NAALADL2: variants seen among roughly 807,000 people sequenced by gnomAD.
NAALADL2 encodes N-acetylated alpha-linked acidic dipeptidase like 2.
A neutral mutation model predicts 87.2 loss-of-function variants in NAALADL2; 76 were observed. The observed-to-expected ratio is 0.87, with a 90% confidence interval of 0.72 to 1.05. The LOEUF is 1.05. NAALADL2 is among the 50% of genes least tolerant of loss of function. The pLI, the probability that NAALADL2 is intolerant of heterozygous loss-of-function variation, is 0.00. For missense variants in NAALADL2, 1,089 were observed against 945.8 expected (o/e 1.15, Z -1.99); for synonymous variants, 354 against 331.0 (o/e 1.07, Z -0.75).
intron 2 of NAALADL2, among the ~76,000 whole-genome samples, chr3:174,578,928 C>T (rs748982468): frequency 1.2e-4 from 18 of 151,496 alleles, no homozygotes; most frequent in African/African-American, 2.4e-4. Context: ...CATCATCTTA[C>T]GAAAGAAAAA....
intron 2 of NAALADL2, among the ~76,000 whole-genome samples, chr3:174,721,744 G>A (rs549818701): frequency 6.6e-6 from 1 of 152,230 alleles, no homozygotes; most frequent in South Asian, 2.1e-4. Context: ...GATTAGTTGT[G>A]CTGGTTCTCC....
In NAALADL2 at chr3:175,052,128, A is replaced by G. The variant is rs138187485; in HGVS notation, c.44-44662A>G. ...TAACTAGAAGTATTCCTTATGGGAA[A>G]TAAAGGGATGGGTCTGGCTAGTTAT... On this transcript the variant is annotated intron_variant, in intron 1 of 13. Coordinates refer to ENST00000454872, the MANE Select transcript of NAALADL2 (RefSeq NM_207015.3). Among the ~76,000 whole-genome samples, 282 of 152,342 alleles carry G rather than the reference A, an allele frequency of 1.9e-3. 1 individual carries two copies. The highest frequency in any genetic ancestry group is 3.5e-3 in the Non-Finnish European group (235 of 68,026).
chr3:174,932,462 T>C (rs918627265), intron 1 of NAALADL2, among the ~76,000 whole-genome samples: 2 of 152,172 alleles, frequency 1.3e-5, no homozygotes, highest in African/African-American at 4.8e-5. Context: ...ATAGGAACAA[T>C]TGGCTCCATA....
chr3:175,399,017 C>T (rs182403047), intron 5 of NAALADL2, among the ~76,000 whole-genome samples: 224 of 151,270 alleles, frequency 1.5e-3, no homozygotes, highest in African/African-American at 5.2e-3. Flanking sequence ...TGTGTCCACC[C>T]TAGGTACAAT....
At chr3:175,611,063 A>C (rs910004087) in intron 10 of NAALADL2, among the ~76,000 whole-genome samples, 2 of 152,126 alleles carry the variant, frequency 1.3e-5, no homozygotes, top group Non-Finnish European at 2.9e-5. Flanking sequence ...TAGCAGAGCT[A>C]GAATTTAAAC....
At chr3:175,052,153 T>G (rs1438710481) in intron 1 of NAALADL2, among the ~76,000 whole-genome samples, 1 of 152,258 alleles carries the variant, frequency 6.6e-6, no homozygotes, top group Non-Finnish European at 1.5e-5. Context: ...TGGCTAGTTA[T>G]CTGCAGCAGG....
At chr3:174,577,447 AT>A (rs1715656015) in intron 2 of NAALADL2, among the ~76,000 whole-genome samples, 2 of 152,256 alleles carry the variant, frequency 1.3e-5, no homozygotes, top group South Asian at 4.1e-4. Flanking sequence ...GGATACTTGC[AT>A]TTGTGTGGTT....
At chr3:175,415,266 A>G (rs982138519) in intron 5 of NAALADL2, among the ~76,000 whole-genome samples, 2 of 152,154 alleles carry the variant, frequency 1.3e-5, no homozygotes, top group African/African-American at 2.4e-5. Flanking sequence ...CATTTAATGG[A>G]TGAATGGATG....
At chr3:175,437,315 C>A (rs1261611783) in intron 5 of NAALADL2, among the ~76,000 whole-genome samples, 1 of 145,020 alleles carries the variant, frequency 6.9e-6, no homozygotes, top group Non-Finnish European at 1.5e-5. Context: ...AACAGACAAA[C>A]AGAGAGCCAA....
chr3:175,240,816 C>T (rs555208764), intron 3 of NAALADL2, among the ~76,000 whole-genome samples: 45 of 152,140 alleles, frequency 3.0e-4, no homozygotes, highest in African/African-American at 1.1e-3. Context: ...CCACCACACC[C>T]GGCTAATTTT....
chr3:174,800,167 C>T (rs1408404229), intron 3 of NAALADL2, among the ~76,000 whole-genome samples: 1 of 152,052 alleles, frequency 6.6e-6, no homozygotes, highest in East Asian at 1.9e-4. Context: ...AAACTGGCTG[C>T]AGAAATTTGC....
chr3:174,568,903 A>T (rs773555928), intron 2 of NAALADL2, among the ~76,000 whole-genome samples: 2 of 151,472 alleles, frequency 1.3e-5, no homozygotes, highest in Non-Finnish European at 3.0e-5. Context: ...AACTGAATTT[A>T]TCTTAATACA....
rs553389990 is a variant in NAALADL2, at chr3:175,500,592, C to T, written c.1653+28834C>T. Among the ~76,000 whole-genome samples, 8 of 152,172 alleles carry T rather than the reference C, an allele frequency of 5.3e-5. No individual in the cohort carries two copies. In the South Asian group the frequency reaches 1.7e-3, roughly 32 times the overall value. ...AACAAGGTAAAATAAAAGCCCTGTG[C>T]TCTAGCATTTTACTTTCCATAACTA... is the stretch of plus-strand genomic sequence containing the variant. On this transcript the variant is annotated intron_variant, in intron 9 of 13. Transcript: ENST00000454872.
chr3:175,755,342 A>C lies in NAALADL2; in HGVS notation c.2113A>C (p.Ile705Leu). The C allele has an allele frequency of 6.2e-7, 1 of 1,613,172 alleles. No homozygotes were observed. Among genetic ancestry groups the C allele is most frequent in the Non-Finnish European group, 8.5e-7 (1 of 1,179,538 alleles). The change falls in exon 13 of 14, where the codon ATC becomes CTC. Residue 705 changes from isoleucine (I) to leucine (L), a missense_variant. Coordinates refer to ENST00000454872, the MANE Select transcript of NAALADL2 (RefSeq NM_207015.3). ...TCCCAAGGAGAGAGCACCCATCCGC[A>C]TCCGGATGCTGAATGACATTCTCCA... Reference protein sequence around the residue: ...NDPKERAPIRIRMLNDILQDM... With the variant: ...NDPKERAPIRLRMLNDILQDM...
chr3:174,973,218 A>G (rs1743930158), intron 1 of NAALADL2, among the ~76,000 whole-genome samples: 1 of 152,188 alleles, frequency 6.6e-6, no homozygotes, highest in Non-Finnish European at 1.5e-5. Context: ...TAATTATTTG[A>G]TAACACAAAA....
chr3:174,638,837 A>AGC (rs1722903593), intron 2 of NAALADL2, among the ~76,000 whole-genome samples: 1 of 152,242 alleles, frequency 6.6e-6, no homozygotes. Context: ...ACTATTTTAT[A>AGC]GCTTCATTAA....
At chr3:174,988,265 C>T (rs1289129526) in intron 1 of NAALADL2, among the ~76,000 whole-genome samples, 2 of 152,090 alleles carry the variant, frequency 1.3e-5, no homozygotes, top group Non-Finnish European at 2.9e-5. Flanking sequence ...TAACTAACAT[C>T]CAGTTAAGCT....
intron 1 of NAALADL2, among the ~76,000 whole-genome samples, chr3:175,040,505 G>A (rs1237968909): frequency 6.6e-6 from 1 of 152,106 alleles, no homozygotes; most frequent in African/African-American, 2.4e-5. Flanking sequence ...CAGTGTAAGG[G>A]ACAAATGCTC....
At chr3:175,058,325 G>T (rs1001446832) in intron 1 of NAALADL2, among the ~76,000 whole-genome samples, 2 of 152,100 alleles carry the variant, frequency 1.3e-5, no homozygotes, top group East Asian at 1.9e-4. Context: ...TACTGATTAA[G>T]TCATTTAATT....
Sources: allele counts gnomAD v4.1 joint callset (sites outside exome capture counted in the v4.1 genomes callset), GRCh38; gene constraint gnomAD v4.1.1; transcripts MANE v1.5; gene names NCBI Gene and HGNC (gene_info 2026-07-23, HGNC 2026-07-21).